KRT73: variants seen among roughly 807,000 people sequenced by gnomAD.
KRT73 encodes the protein keratin 73.
Under a neutral mutation model 47.2 loss-of-function variants are expected in KRT73, and 44 were observed. The ratio of observed to expected loss-of-function variants is 0.93; its 90% CI spans 0.73 to 1.20. The LOEUF (loss-of-function observed/expected upper bound fraction) is 1.20, where lower values mean the gene tolerates loss of function less well. Ranked by LOEUF, KRT73 falls within the 50% of genes most tolerant of loss-of-function variation. The probability of loss-of-function intolerance (pLI) is 0.00; values close to 1 mark genes in which losing one functional copy is unlikely to be tolerated. For missense variants in KRT73, 713 were observed against 704.5 expected (o/e 1.01, Z -0.14); for synonymous variants, 285 against 291.3 (o/e 0.98, Z 0.22).
chr12:52,608,153 C>T lies in KRT73; in HGVS notation c.*43G>A, dbSNP rs775254709. The T allele has an allele frequency of 6.4e-7, 1 of 1,567,170 alleles. No homozygotes were observed. The highest frequency in any genetic ancestry group is 1.8e-5 in the Admixed American group (1 of 56,068). ...TCCTAGAAGAGTCCGGAGCAGTCTGCCAGGGCAAGGCAGACTACTGGGAAA... is the reference window on the plus strand; with the variant it reads ...TCCTAGAAGAGTCCGGAGCAGTCTGTCAGGGCAAGGCAGACTACTGGGAAA... On this transcript the variant is annotated 3_prime_UTR_variant, in exon 9 of 9. Coordinates refer to ENST00000305748, the MANE Select transcript of KRT73 (RefSeq NM_175068.3).
intron 5 of KRT73, 99 bp from the exon 6 acceptor site, chr12:52,611,428 G>T (rs1413965113): frequency 5.5e-6 from 8 of 1,451,832 alleles, no homozygotes; most frequent in Non-Finnish European, 6.6e-6. Flanking sequence ...CCTGGCAGAG[G>T]TGGGTCCAGG....
chr12:52,610,009 C>T (rs1940660075), intron 7 of KRT73: 1 of 156,202 alleles, frequency 6.4e-6, no homozygotes, highest in Non-Finnish European at 1.4e-5. Context: ...TCTACTGTCT[C>T]TTTATCAATA....
chr12:52,614,934 T>C, intron 3 of KRT73: 1 of 523,232 alleles, frequency 1.9e-6, no homozygotes, highest in Non-Finnish European at 3.4e-6. Context: ...CAGCCAGTCA[T>C]TCAGCCAACA....
At position 52,613,709 on chromosome 12, in the gene KRT73, G is replaced by A. The variant is rs776100609; in HGVS notation, c.963C>T (p.Ala321=). 26 of 1,613,906 alleles carry A rather than the reference G, an allele frequency of 1.6e-5. No individual in the cohort carries two copies. The South Asian group carries it at 2.0e-4, about 12-fold the overall frequency. Residue 321 remains alanine (A), a synonymous_variant, in exon 5 of 9, where the codon GCC becomes GCT. Coordinates refer to ENST00000305748, the MANE Select transcript of KRT73 (RefSeq NM_175068.3). ...EEIARKSKAE[A]EALYQTKFQE... The stretch of plus-strand genomic sequence containing the variant: ...TCACCTTGGTCTGGTACAGGGCCTC[G>A]GCCTCGGCCTTGCTCTTCCGGGCGA...
intron 3 of KRT73, 135 bp from the exon 4 acceptor site, chr12:52,614,809 C>T (rs1208442126): frequency 1.5e-5 from 10 of 651,906 alleles, no homozygotes; most frequent in Middle Eastern, 4.2e-4. Flanking sequence ...AACCGGCCTT[C>T]CAGCCACAAC....
chr12:52,614,374 G>C, intron 4 of KRT73: 1 of 504,732 alleles, frequency 2.0e-6, no homozygotes, highest in East Asian at 3.4e-5. Flanking sequence ...CCTGGAGGAA[G>C]TGAAAGCAGG....
the KRT73 span, among the ~76,000 whole-genome samples, chr12:52,629,521 C>T: frequency 1.3e-5 from 2 of 152,224 alleles, no homozygotes; most frequent in African/African-American, 4.8e-5. Flanking sequence ...CAAGGCCACA[C>T]AGCCAATGCC....
At chr12:52,625,891 G>T in the KRT73 span, among the ~76,000 whole-genome samples, 26 of 152,030 alleles carry the variant, frequency 1.7e-4, no homozygotes, top group African/African-American at 5.8e-4. Flanking sequence ...TGTATGATTT[G>T]TATATTGTAT....
At chr12:52,609,332 TG>T in intron 7 of KRT73, 51 bp from the exon 8 acceptor site, 1 of 1,483,748 alleles carries the variant, frequency 6.7e-7, no homozygotes, top group Non-Finnish European at 9.4e-7. Flanking sequence ...ACTCCCATAG[TG>T]GCCCTCACTG....
chr12:52,610,554 C>CCCCA, intron 7 of KRT73, 61 bp downstream of exon 7: 2 of 1,219,662 alleles, frequency 1.6e-6, no homozygotes, highest in South Asian at 1.3e-5. Context: ...CCCCCAACCA[C>CCCCA]ACTCTGGGAA....
At chr12:52,619,517 G>A (rs189956368), upstream of KRT73, among the ~76,000 whole-genome samples, 4 of 152,180 alleles carry the variant, frequency 2.6e-5, no homozygotes, top group Non-Finnish European at 5.9e-5. Context: ...CCCTTGGCTG[G>A]TCTTCTGACT....
chr12:52,621,296 G>A (rs1054685406), upstream of KRT73, among the ~76,000 whole-genome samples: 39 of 146,090 alleles, frequency 2.7e-4, no homozygotes, highest in East Asian at 7.9e-3. Flanking sequence ...AGAAAGGGGG[G>A]GGGGGGGAGA....
At chr12:52,629,271 T>C in the KRT73 span, among the ~76,000 whole-genome samples, 2 of 152,092 alleles carry the variant, frequency 1.3e-5, no homozygotes, top group Non-Finnish European at 2.9e-5. Flanking sequence ...TGAATATCCA[T>C]CTCACACAGC....
chr12:52,614,908 G>C, intron 3 of KRT73: 1 of 552,522 alleles, frequency 1.8e-6, no homozygotes, highest in South Asian at 2.5e-5. Flanking sequence ...AAGGGTGTGA[G>C]ACTCTATACC....
chr12:52,629,422 C>T, the KRT73 span, among the ~76,000 whole-genome samples: 22 of 152,160 alleles, frequency 1.4e-4, no homozygotes, highest in Admixed American at 1.2e-3. Context: ...GTGGATGCAG[C>T]GTGAGTTTCT....
chr12:52,623,596 A>T, the KRT73 span, among the ~76,000 whole-genome samples: 1 of 152,292 alleles, frequency 6.6e-6, no homozygotes, highest in Middle Eastern at 3.4e-3. Flanking sequence ...CTTCTCTTGA[A>T]TTTCCTATAA....
chr12:52,618,197 T>G lies in KRT73; in HGVS notation c.328A>C (p.Asn110His). 1 of 1,614,086 alleles carries G rather than the reference T, an allele frequency of 6.2e-7. No individual in the cohort carries two copies. Among genetic ancestry groups the G allele is most frequent in the East Asian group, 2.2e-5 (1 of 44,876 alleles). Residue 110 changes from asparagine (N) to histidine (H), a missense_variant, in exon 1 of 9, where the codon AAC (asparagine) becomes CAC (histidine). Coordinates refer to ENST00000305748, the MANE Select transcript of KRT73 (RefSeq NM_175068.3). Reference sequence around the variant, plus strand: ...TTCAGGGGTGCCAGGAGGCTCTTGTTGATGGTGACCTGATGGATACCCCCG... The same window carrying G: ...TTCAGGGGTGCCAGGAGGCTCTTGTGGATGGTGACCTGATGGATACCCCCG... ...PPGGIHQVTI[N>H]KSLLAPLNVE... is the part of the protein sequence containing the mutation.
chr12:52,628,228 A>G, the KRT73 span, among the ~76,000 whole-genome samples: 18 of 152,058 alleles, frequency 1.2e-4, no homozygotes, highest in East Asian at 2.3e-3. Flanking sequence ...CTTATGATGG[A>G]TTTGCTTCTG....
intron 8 of KRT73, among the ~76,000 whole-genome samples, chr12:52,608,667 A>G (rs374108474): frequency 6.6e-6 from 1 of 152,356 alleles, no homozygotes; most frequent in South Asian, 2.1e-4. Context: ...TTGTCATTCT[A>G]TGAACAAACA....
Sources: gnomAD v4.1 joint callset for allele counts (sites outside exome capture counted in the v4.1 genomes callset) on GRCh38, gnomAD v4.1.1 for gene constraint, MANE v1.5 for transcripts, NCBI Gene and HGNC (gene_info 2026-07-23, HGNC 2026-07-21) for gene names.